Variants in NCOA3 observed in about 807,000 individuals in gnomAD.
NCOA3 encodes nuclear receptor coactivator 3, also known as CBP-interacting protein.
Under a neutral mutation model 158.8 loss-of-function variants are expected in NCOA3, and 51 were observed. That is an observed-to-expected ratio of 0.32 (90% CI 0.26 to 0.41). The LOEUF is 0.41. Among genes scored for constraint, NCOA3 ranks in the 10% least tolerant of loss-of-function variants. NCOA3 has a pLI of 1.00. For missense variants in NCOA3, 1,510 were observed against 1,746.6 expected, an observed-to-expected ratio of 0.86 and a Z score of 2.41; for synonymous variants, 537 against 592.4, an observed-to-expected ratio of 0.91 and a Z score of 1.36.
rs191843596 is a variant in NCOA3 at position 47,570,018 on chromosome 20, C to A, written c.-98-13165C>A. ...GAGTGAGACTCCGTCTCAAAAAAAA[C>A]AACAAAAAAAAAACCCTGCGGCTCC... On this transcript the variant is annotated intron_variant, in intron 1 of 22. Coordinates refer to ENST00000371998, the MANE Select transcript of NCOA3 (RefSeq NM_181659.3). Among the ~76,000 whole-genome samples the A allele has an allele frequency of 8.4e-4, 124 of 146,814 alleles. No homozygotes were observed. In the East Asian group the frequency reaches 0.021, roughly 25 times the overall value.
Position 47,626,992 on chromosome 20 carries a change from C to T in NCOA3, c.358-10C>T. 6.2e-7 allele frequency: 1 copy of T among 1,606,482 alleles called. No individual in the cohort carries two copies. Among genetic ancestry groups the T allele is most frequent in the Non-Finnish European group, 8.5e-7 (1 of 1,175,876 alleles). ...TCCATAACAGCCTGTATTAACATAT[C>T]CTATTTTAGGCATTGGATGGTTTCC... On this transcript the variant is annotated splice_polypyrimidine_tract_variant and intron_variant, in intron 5 of 22. Transcript: ENST00000371998.
chr20:47,560,923 C>T (rs2085091148), intron 1 of NCOA3, among the ~76,000 whole-genome samples: 1 of 148,474 alleles, frequency 6.7e-6, no homozygotes, highest in Non-Finnish European at 1.5e-5. Context: ...TTAGGTGTAC[C>T]TGAGCAGTGT....
chr20:47,652,642 G>A, intron 21 of NCOA3, 62 bp downstream of exon 21: 1 of 1,481,302 alleles, frequency 6.8e-7, no homozygotes, highest in Non-Finnish European at 9.3e-7. Context: ...AGAACTTAAT[G>A]TATTTTTCAG....
chr20:47,653,422 T>G lies in NCOA3; in HGVS notation c.*5T>G. 1 of 1,507,912 alleles carries G rather than the reference T, an allele frequency of 6.6e-7. No homozygotes were observed. Among genetic ancestry groups the G allele is most frequent in the Non-Finnish European group, 9.2e-7 (1 of 1,088,618 alleles). The allele number at this position is 1,507,912 out of a possible 1,614,324, so 93.4% of individuals were successfully genotyped here. On this transcript the variant is annotated 3_prime_UTR_variant, in exon 23 of 23. Transcript: ENST00000371998. ...TGCTGACAGAAATACTGCTGACATCTCTGCACCAGGACCTCTTAAGGAAAC... is the reference window on the plus strand; with the variant it reads ...TGCTGACAGAAATACTGCTGACATCGCTGCACCAGGACCTCTTAAGGAAAC...
At chr20:47,619,979 A>G (rs973947190) in intron 2 of NCOA3, among the ~76,000 whole-genome samples, 2 of 152,072 alleles carry the variant, frequency 1.3e-5, no homozygotes, top group African/African-American at 4.8e-5. Flanking sequence ...TATTTTTAGT[A>G]GAGACAGGGT....
chr20:47,622,123 AAGT>A (rs2086250941), intron 2 of NCOA3, 103 bp from the exon 3 acceptor site: 2 of 592,228 alleles, frequency 3.4e-6, no homozygotes, highest in Non-Finnish European at 6.0e-6. Flanking sequence ...TGTTTAGAGA[AAGT>A]AGTTCTGAAT....
intron 2 of NCOA3, among the ~76,000 whole-genome samples, chr20:47,593,050 C>G (rs1320410938): frequency 6.6e-6 from 1 of 152,052 alleles, no homozygotes; most frequent in East Asian, 1.9e-4. Flanking sequence ...TTTCCTGCCT[C>G]AGCCTCTCAA....
Position 47,637,637 on chromosome 20 carries a change from T to A in NCOA3, c.2377-11T>A. 6.3e-7 allele frequency: 1 copy of A among 1,594,272 alleles called. No individual in the cohort carries two copies. Among genetic ancestry groups the A allele is most frequent in the Non-Finnish European group, 8.5e-7 (1 of 1,172,850 alleles). On this transcript the variant is annotated splice_polypyrimidine_tract_variant and intron_variant, in intron 12 of 22. Transcript: ENST00000371998. ...ATGTATACAGGTTAATTTTTAAAACTTTATTTTCAGGGATCTGGAGACTTG... is the reference window on the plus strand; with the variant it reads ...ATGTATACAGGTTAATTTTTAAAACATTATTTTCAGGGATCTGGAGACTTG...
At chr20:47,653,126 GA>G in intron 22 of NCOA3, 54 bp downstream of exon 22, 1 of 1,580,886 alleles carries the variant, frequency 6.3e-7, no homozygotes, top group Non-Finnish European at 8.7e-7. Context: ...TCTCTGGATA[GA>G]ACTAAAGCCT....
At chr20:47,556,324 G>A (rs995481224) in intron 1 of NCOA3, among the ~76,000 whole-genome samples, 14 of 152,202 alleles carry the variant, frequency 9.2e-5, no homozygotes, top group Non-Finnish European at 7.3e-5. Flanking sequence ...AACTGTTTAT[G>A]TGGCAAGTAA....
intron 1 of NCOA3, among the ~76,000 whole-genome samples, chr20:47,558,358 A>G (rs527437768): frequency 6.7e-6 from 1 of 148,930 alleles, no homozygotes; most frequent in Non-Finnish European, 1.5e-5. Flanking sequence ...CTGGGATTAC[A>G]GACGTGAGCC....
intron 1 of NCOA3, among the ~76,000 whole-genome samples, chr20:47,539,714 C>T (rs2146125542): frequency 6.6e-6 from 1 of 152,280 alleles, no homozygotes; most frequent in South Asian, 2.1e-4. Flanking sequence ...AATTATAGAA[C>T]ACAACATTAT....
chr20:47,600,333 C>T (rs182762650), intron 2 of NCOA3, among the ~76,000 whole-genome samples: 2,389 of 151,650 alleles, frequency 0.016, 165 homozygotes, highest in Admixed American at 0.12. Context: ...CACCACCACG[C>T]CCAGCTAATT....
rs866658685 is a variant in NCOA3, at chr20:47,522,318, G to C, written c.-99+20299G>C. Among the ~76,000 whole-genome samples, 9 of 151,444 alleles carry C rather than the reference G, an allele frequency of 5.9e-5. 3 individuals carry two copies. The highest frequency in any genetic ancestry group is 2.2e-4 in the African/African-American group (9 of 41,286). ...GGGGTTTCACCATGTTAGCCAGGATGGTCTCGATCTCCTGACCTCGTGATC... is the reference window on the plus strand; with the variant it reads ...GGGGTTTCACCATGTTAGCCAGGATCGTCTCGATCTCCTGACCTCGTGATC... On this transcript the variant is annotated intron_variant, in intron 1 of 22. Coordinates refer to ENST00000371998, the MANE Select transcript of NCOA3 (RefSeq NM_181659.3).
At position 47,639,074 on chromosome 20, in the gene NCOA3, G is replaced by A; in HGVS notation, c.2579G>A (p.Ser860Asn). The change falls in exon 14 of 23, where the codon AGC becomes AAC. Residue 860 changes from serine (S) to asparagine (N), a missense_variant. By Grantham distance (46) the Ser-to-Asn change is conservative (BLOSUM62 1). This residue lies in a region of NCOA3 where 1,017 missense variants were observed against 1,098.3 expected (regional missense o/e 0.93). Coordinates refer to ENST00000371998, the MANE Select transcript of NCOA3 (RefSeq NM_181659.3). ...PPYNRAVSLD[S>N]PVSVGSSPPV... ...TATAACCGAGCAGTGTCTCTGGATA[G>A]CCCTGTTTCTGTTGGCTCAAGTCCT... 6.2e-7 allele frequency: 1 copy of A among 1,614,168 alleles called. No individual in the cohort carries two copies. Among genetic ancestry groups the A allele is most frequent in the South Asian group, 1.1e-5 (1 of 91,078 alleles).
At chr20:47,553,273 T>C (rs1333225334) in intron 1 of NCOA3, among the ~76,000 whole-genome samples, 1 of 152,160 alleles carries the variant, frequency 6.6e-6, no homozygotes, top group Non-Finnish European at 1.5e-5. Context: ...ATCTAACTAG[T>C]TCCTCTGCTT....
At chr20:47,608,510 A>ATGCG in intron 2 of NCOA3, among the ~76,000 whole-genome samples, 1 of 151,810 alleles carries the variant, frequency 6.6e-6, no homozygotes, top group South Asian at 2.1e-4. Flanking sequence ...ATGGTGGCAC[A>ATGCG]TGCGTGTGGT....
chr20:47,515,776 A>T (rs2084225008), intron 1 of NCOA3, among the ~76,000 whole-genome samples: 1 of 152,118 alleles, frequency 6.6e-6, no homozygotes, highest in Non-Finnish European at 1.5e-5. Flanking sequence ...CACTGCCCTC[A>T]GCCTTAATAC....
chr20:47,530,064 T>C (rs543332480), intron 1 of NCOA3, among the ~76,000 whole-genome samples: 5 of 152,370 alleles, frequency 3.3e-5, no homozygotes, highest in South Asian at 2.1e-4. Flanking sequence ...GCTACTCTTA[T>C]CAGTGATAAA....
Sources: gnomAD v4.1 joint callset for allele counts (sites outside exome capture counted in the v4.1 genomes callset) on GRCh38, gnomAD v4.1.1 for gene constraint, gnomAD v4.1.1 regional missense constraint, MANE v1.5 for transcripts, NCBI Gene and HGNC (gene_info 2026-07-23, HGNC 2026-07-21) for gene names.